Variants in TTC39C observed in about 807,000 individuals in gnomAD.
TTC39C encodes tetratricopeptide repeat protein 39C.
A neutral mutation model predicts 76.3 loss-of-function variants in TTC39C; 33 were observed. The ratio of observed to expected loss-of-function variants is 0.43; its 90% CI spans 0.33 to 0.58. The LOEUF is 0.58. TTC39C is among the 20% of genes least tolerant of loss of function. The pLI, the probability that TTC39C is intolerant of heterozygous loss-of-function variation, is 0.04. For synonymous variants in TTC39C, 254 were observed against 260.6 expected, an observed-to-expected ratio of 0.97 and a Z score of 0.24; for missense variants, 595 against 701.4, an observed-to-expected ratio of 0.85 and a Z score of 1.71.
chr18:24,073,362 G>A (rs1007920673), intron 4 of TTC39C, among the ~76,000 whole-genome samples: 15 of 152,256 alleles, frequency 9.9e-5, no homozygotes, highest in African/African-American at 3.6e-4. Flanking sequence ...ATCTAGCTGA[G>A]CTGAGATTCT....
chr18:24,016,591 C>G (rs533685108), intron 1 of TTC39C: 2 of 397,906 alleles, frequency 5.0e-6, no homozygotes, highest in Non-Finnish European at 4.4e-6. Flanking sequence ...CTTTAGTAGG[C>G]GAAAATACTA....
intron 6 of TTC39C, among the ~76,000 whole-genome samples, chr18:24,095,994 CACA>C (rs1295481410): frequency 2.0e-5 from 3 of 152,164 alleles, no homozygotes; most frequent in East Asian, 1.9e-4. Flanking sequence ...CCAGATCACA[CACA>C]ACATTTATCA....
chr18:24,086,544 G>C (rs2084441461), intron 6 of TTC39C, among the ~76,000 whole-genome samples: 6 of 152,172 alleles, frequency 3.9e-5, no homozygotes, highest in Admixed American at 3.9e-4. Flanking sequence ...GCTGTTTTCT[G>C]TTATGGCCTC....
intron 1 of TTC39C, among the ~76,000 whole-genome samples, chr18:24,045,942 T>A (rs1366897592): frequency 4.7e-5 from 5 of 106,726 alleles, no homozygotes; most frequent in South Asian, 6.9e-4. Context: ...TTTTTTTTTT[T>A]TTTTTTTTTT....
intron 4 of TTC39C, among the ~76,000 whole-genome samples, chr18:24,073,966 G>T (rs922297423): frequency 1.3e-5 from 2 of 152,198 alleles, no homozygotes; most frequent in Non-Finnish European, 2.9e-5. Context: ...CAATCTACCT[G>T]CTGTTTTACC....
Position 24,092,127 on chromosome 18 carries a change from A to T in TTC39C, c.984+9046A>T, listed in dbSNP as rs7239340. ...AAAAAAAAAAAAAAAAAAAAAAAAT[A>T]ATAATAATAGACAACGGATCTGAAG... On this transcript the variant is annotated intron_variant, in intron 6 of 13. Coordinates refer to ENST00000317571, the MANE Select transcript of TTC39C (RefSeq NM_001135993.2). Among the ~76,000 whole-genome samples, 3 of 132,540 alleles carry T rather than the reference A, an allele frequency of 2.3e-5. 1 individual carries two copies. The highest frequency in any genetic ancestry group is 9.0e-5 in the African/African-American group (3 of 33,396). 87.0% of individuals were successfully genotyped at this position (132,540 alleles called of 152,430 possible).
chr18:23,992,900 G>T (rs2083231035), exon 1 of TTC39C: 1 of 152,250 alleles, frequency 6.6e-6, no homozygotes, highest in Non-Finnish European at 1.5e-5. Context: ...TGCCCATCTT[G>T]TCCCTCCTGG....
intron 6 of TTC39C, among the ~76,000 whole-genome samples, chr18:24,107,885 AGTAGGGGGG>A (rs1374572716): frequency 1.8e-5 from 1 of 55,856 alleles, no homozygotes; most frequent in Non-Finnish European, 4.2e-5. Flanking sequence ...CAGCCTCCCA[AGTAGGGGGG>A]GGGGTACAGG....
At chr18:24,073,606 C>T (rs1232151604) in intron 4 of TTC39C, among the ~76,000 whole-genome samples, 1 of 152,132 alleles carries the variant, frequency 6.6e-6, no homozygotes, top group Non-Finnish European at 1.5e-5. Context: ...GCCTTGAGGT[C>T]CCAGGTTCAA....
rs913826833 is a variant in TTC39C at position 24,134,185 on chromosome 18, C to T, written c.*1611C>T. On this transcript the variant is annotated 3_prime_UTR_variant, in exon 14 of 14. Transcript: ENST00000317571. ...ATAGTAAGAGAGAAGAGATTGCTCT[C>T]CTATATTCAGTGAATGAGAAGGGAA... 6.6e-6 allele frequency: 1 copy of T among 152,518 alleles called. No individual in the cohort carries two copies. Among genetic ancestry groups the T allele is most frequent in the African/African-American group, 2.4e-5 (1 of 40,862 alleles). 9.4% of individuals were successfully genotyped at this position (152,518 alleles called of 1,614,324 possible). A position where few individuals can be genotyped will look rare whatever the true frequency, so the allele number is the denominator to read the frequency against.
intron 6 of TTC39C, among the ~76,000 whole-genome samples, chr18:24,099,516 A>G (rs2084650653): frequency 6.6e-6 from 1 of 151,966 alleles, no homozygotes; most frequent in African/African-American, 2.4e-5. Context: ...TATAATATAT[A>G]ACTGATATAT....
intron 6 of TTC39C, among the ~76,000 whole-genome samples, chr18:24,086,173 T>A (rs1459124000): frequency 6.6e-6 from 1 of 152,218 alleles, no homozygotes; most frequent in South Asian, 2.1e-4. Context: ...CCTTGAGCTC[T>A]TTTTATCAAC....
intron 1 of TTC39C, among the ~76,000 whole-genome samples, chr18:24,047,883 T>C (rs1020469749): frequency 1.3e-5 from 2 of 152,208 alleles, no homozygotes; most frequent in African/African-American, 4.8e-5. Flanking sequence ...TTACACATTG[T>C]ATGCCTGTAT....
intron 8 of TTC39C, among the ~76,000 whole-genome samples, chr18:24,122,414 A>C (rs1384301614): frequency 7.0e-6 from 1 of 143,682 alleles, no homozygotes; most frequent in African/African-American, 2.6e-5. Flanking sequence ...AGGCAGGAGA[A>C]TTGCTTGAAC....
intron 1 of TTC39C, among the ~76,000 whole-genome samples, chr18:24,036,571 A>G (rs1347747751): frequency 6.6e-6 from 1 of 152,168 alleles, no homozygotes; most frequent in Non-Finnish European, 1.5e-5. Context: ...GTATCTTGCA[A>G]CTTTGCTGAA....
intron 1 of TTC39C, among the ~76,000 whole-genome samples, chr18:24,018,067 A>C (rs910985288): frequency 6.6e-6 from 1 of 152,224 alleles, no homozygotes; most frequent in African/African-American, 2.4e-5. Context: ...TAGGAATTAG[A>C]AATATATGCA....
intron 1 of TTC39C, among the ~76,000 whole-genome samples, chr18:23,999,761 C>T (rs1342203921): frequency 6.6e-6 from 1 of 152,198 alleles, no homozygotes. Flanking sequence ...GCTGGAGCTC[C>T]CCACTGAGCA....
At chr18:24,114,456 TA>T (rs1480146014) in intron 6 of TTC39C, 97 bp from the exon 7 acceptor site, 2 of 950,658 alleles carry the variant, frequency 2.1e-6, no homozygotes, top group African/African-American at 1.6e-5. Flanking sequence ...TTAACCTGTT[TA>T]AAATAACTAT....
intron 1 of TTC39C, among the ~76,000 whole-genome samples, chr18:23,998,467 G>A (rs369618669): frequency 3.7e-4 from 56 of 152,220 alleles, no homozygotes; most frequent in African/African-American, 1.2e-3. Flanking sequence ...AAAATTAGCC[G>A]AGTGTGATGG....
Sources: gnomAD v4.1 joint callset for allele counts (sites outside exome capture counted in the v4.1 genomes callset) on GRCh38, gnomAD v4.1.1 for gene constraint, MANE v1.5 for transcripts, NCBI Gene and HGNC (gene_info 2026-07-23, HGNC 2026-07-21) for gene names.